Variants in UPK1B observed in about 807,000 individuals in gnomAD.
The protein encoded by UPK1B is uroplakin-1b.
A neutral mutation model predicts 34.2 loss-of-function variants in UPK1B; 28 were observed. The observed-to-expected ratio is 0.82, with a 90% CI of 0.61 to 1.12. UPK1B has a LOEUF of 1.12. UPK1B is among the 50% of genes most tolerant of loss of function. The pLI is 0.00. For missense variants in UPK1B, 325 were observed against 320.9 expected (o/e 1.01, Z -0.10); for synonymous variants, 81 against 110.4 (o/e 0.73, Z 1.67).
intron 1 of UPK1B, among the ~76,000 whole-genome samples, chr3:119,181,865 A>C (rs867133745): frequency 1.3e-5 from 2 of 152,260 alleles, no homozygotes; most frequent in Middle Eastern, 3.4e-3. Flanking sequence ...ACAGGTTGGC[A>C]ATGGGAGGAA....
intron 1 of UPK1B, among the ~76,000 whole-genome samples, chr3:119,184,737 A>C (rs2078009281): frequency 6.6e-6 from 1 of 152,122 alleles, no homozygotes; most frequent in African/African-American, 2.4e-5. Context: ...AAAAATAATA[A>C]TAATAATAAA....
At chr3:119,198,181 G>A (rs1004244402) in intron 6 of UPK1B, among the ~76,000 whole-genome samples, 3 of 150,496 alleles carry the variant, frequency 2.0e-5, no homozygotes, top group Non-Finnish European at 4.4e-5. Context: ...GCCTTGAAAG[G>A]GTCTTGCAAG....
intron 1 of UPK1B, among the ~76,000 whole-genome samples, chr3:119,179,140 C>G (rs2107424311): frequency 6.6e-6 from 1 of 151,708 alleles, no homozygotes; most frequent in East Asian, 1.9e-4. Flanking sequence ...CCAGCCTGGG[C>G]AACATGATGA....
At chr3:119,203,741 CACGTTCTG>C (rs2078104531) in intron 7 of UPK1B, among the ~76,000 whole-genome samples, 168 bp from the exon 8 acceptor site, 1 of 152,190 alleles carries the variant, frequency 6.6e-6, no homozygotes, top group African/African-American at 2.4e-5. Flanking sequence ...AACAAACCTG[CACGTTCTG>C]TACATGTATC....
intron 1 of UPK1B, among the ~76,000 whole-genome samples, chr3:119,183,272 T>G (rs114115313): frequency 0.19 from 18,646 of 97,120 alleles, 1,033 homozygotes; most frequent in South Asian, 0.24. Context: ...TTTTTTTTTG[T>G]TTTTTTTTTT....
chr3:119,204,089 G>A lies in UPK1B; in HGVS notation c.*122G>A. On this transcript the variant is annotated 3_prime_UTR_variant, in exon 8 of 8. Transcript: ENST00000264234. ...TAACGTGTGTGTCTTACATTGCCAA[G>A]TCAGATGGTACGGACTTCCTTTAGG... The A allele has an allele frequency of 8.8e-7, 1 of 1,133,484 alleles. No individual in the cohort carries two copies. The highest frequency in any genetic ancestry group is 1.3e-6 in the Non-Finnish European group (1 of 767,674). The allele number at this position is 1,133,484 out of a possible 1,614,324, so 70.2% of individuals were successfully genotyped here. A position where few individuals can be genotyped will look rare whatever the true frequency, so the allele number is the denominator to read the frequency against.
intron 6 of UPK1B, among the ~76,000 whole-genome samples, chr3:119,195,964 T>C (rs2078065493): frequency 6.6e-6 from 1 of 152,096 alleles, no homozygotes; most frequent in Non-Finnish European, 1.5e-5. Flanking sequence ...TACAGTTCCC[T>C]GGCCTCATCT....
chr3:119,203,585 T>C (rs1182357756), intron 7 of UPK1B, among the ~76,000 whole-genome samples: 1 of 151,792 alleles, frequency 6.6e-6, no homozygotes, highest in Non-Finnish European at 1.5e-5. Flanking sequence ...CTCTCATAAG[T>C]GGGAGTTGAA....
intron 7 of UPK1B, among the ~76,000 whole-genome samples, chr3:119,202,931 C>A (rs1045135726): frequency 6.6e-6 from 1 of 152,042 alleles, no homozygotes; most frequent in Non-Finnish European, 1.5e-5. Context: ...GGGATCAGAA[C>A]GTGGGGAACA....
chr3:119,188,051 C>A, intron 3 of UPK1B, 76 bp downstream of exon 3: 1 of 1,504,838 alleles, frequency 6.6e-7, no homozygotes, highest in African/African-American at 1.4e-5. Flanking sequence ...CTGAGCAATG[C>A]TTTGGCTTTC....
At chr3:119,200,968 A>C (rs2107438852) in intron 7 of UPK1B, among the ~76,000 whole-genome samples, 1 of 152,376 alleles carries the variant, frequency 6.6e-6, no homozygotes, top group Middle Eastern at 3.4e-3. Context: ...ATGTGTACTC[A>C]AAGGCCAAAA....
At chr3:119,203,069 G>A (rs975324609) in intron 7 of UPK1B, among the ~76,000 whole-genome samples, 3 of 152,112 alleles carry the variant, frequency 2.0e-5, no homozygotes, top group South Asian at 2.1e-4. Flanking sequence ...TAGGCCAGGC[G>A]TGGTGGCTCA....
chr3:119,186,782 T>C lies in UPK1B; in HGVS notation c.41T>C (p.Leu14Pro), dbSNP rs774178636. The C allele has an allele frequency of 6.2e-7, 1 of 1,614,192 alleles. No individual in the cohort carries two copies. Among genetic ancestry groups the C allele is most frequent in the Non-Finnish European group, 8.5e-7 (1 of 1,180,014 alleles). ...DNSTVRCFQG[L>P]LIFGNVIIGC... Reference sequence around the variant, plus strand: ...TCAACTGTTCGTTGCTTCCAGGGCCTGCTGATTTTTGGAAATGTGATTATT... The same window carrying C: ...TCAACTGTTCGTTGCTTCCAGGGCCCGCTGATTTTTGGAAATGTGATTATT... The change falls in exon 2 of 8, where the codon CTG becomes CCG. Residue 14 changes from leucine to proline, a missense_variant. By Grantham distance (98) the Leu-to-Pro change is moderately conservative. Transcript: ENST00000264234.
rs547265917 is a variant in UPK1B, at chr3:119,187,641, T to C, written c.70-134T>C. 126 of 881,158 alleles carry C rather than the reference T, an allele frequency of 1.4e-4. 1 individual carries two copies. In the African/African-American group the frequency reaches 1.9e-3, roughly 13 times the overall value. 54.6% of individuals were successfully genotyped at this position (881,158 alleles called of 1,614,324 possible). A position where few individuals can be genotyped will look rare whatever the true frequency, so the allele number is the denominator to read the frequency against. On this transcript the variant is annotated intron_variant, in intron 2 of 7. Coordinates refer to ENST00000264234, the MANE Select transcript of UPK1B (RefSeq NM_006952.4). ...GGATGGAAGTAGTTGTTTGATTTCC[T>C]GGCAATGGGGAGTTTAGATTAGTTG... is the stretch of plus-strand genomic sequence containing the variant.
Position 119,203,789 on chromosome 3 carries a change from TAAAAAC to T in UPK1B, c.733-124_733-119del, listed in dbSNP as rs2078106079. ...TTTTGTTTTGGTTTTTTAGAAGAAA[TAAAAAC>T]AAACAAACAAAAAAATCTGTTGTCA... On this transcript the variant is annotated intron_variant, in intron 7 of 7. Transcript: ENST00000264234. 6 of 976,568 alleles carry T rather than the reference TAAAAAC, an allele frequency of 6.1e-6. No homozygotes were observed. The East Asian group carries it at 1.3e-4, about 21-fold the overall frequency. The allele number at this position is 976,568 out of a possible 1,614,324, so 60.5% of individuals were successfully genotyped here.
At chr3:119,190,843 G>A (rs1199763332) in intron 4 of UPK1B, 139 bp from the exon 5 acceptor site, 13 of 1,218,168 alleles carry the variant, frequency 1.1e-5, no homozygotes, top group Admixed American at 2.2e-5. Context: ...TCAGCCAGCT[G>A]TACTTGGTGC....
chr3:119,193,735 T>C (rs942113445), intron 5 of UPK1B, among the ~76,000 whole-genome samples: 6 of 152,218 alleles, frequency 3.9e-5, no homozygotes, highest in Non-Finnish European at 7.4e-5. Flanking sequence ...AATCTTTAAT[T>C]TTATGATTCT....
In UPK1B at chr3:119,184,165, C is replaced by T. The variant is rs115944890; in HGVS notation, c.-28-2549C>T. 1.2e-3 allele frequency among the ~76,000 whole-genome samples: 189 copies of T among 152,290 alleles called. 1 individual carries two copies. Among genetic ancestry groups the T allele is most frequent in the African/African-American group, 4.4e-3 (182 of 41,564 alleles). ...TCTGCGTTTTCCACCCTAATTGTGA[C>T]TCCTGCAATTCTCCCATAGAATATT... On this transcript the variant is annotated intron_variant, in intron 1 of 7. Transcript: ENST00000264234.
chr3:119,174,118 T>C (rs2077941610), intron 1 of UPK1B, among the ~76,000 whole-genome samples: 1 of 152,262 alleles, frequency 6.6e-6, no homozygotes, highest in Non-Finnish European at 1.5e-5. Context: ...CTTGGTCTTC[T>C]TGTCAGAAAT....
Sources: allele counts gnomAD v4.1 joint callset (sites outside exome capture counted in the v4.1 genomes callset), GRCh38; gene constraint gnomAD v4.1.1; transcripts MANE v1.5; gene names NCBI Gene and HGNC (gene_info 2026-07-23, HGNC 2026-07-21).